The following DYNC1H1 variants were observed in gnomAD, a reference collection of about 807,000 sequenced individuals.
The protein encoded by DYNC1H1 is dynein cytoplasmic 1 heavy chain 1, also known as cytoplasmic dynein 1 heavy chain 1.
DYNC1H1 carries 51 observed loss-of-function variants against 527.1 expected under a neutral mutation model. The ratio of observed to expected loss-of-function variants is 0.10; its 90% confidence interval spans 0.08 to 0.12. The LOEUF (loss-of-function observed/expected upper bound fraction) is 0.12, where lower values mean the gene tolerates loss of function less well. DYNC1H1 is among the 10% of genes least tolerant of loss of function. DYNC1H1 has a pLI of 1.00. For synonymous variants in DYNC1H1, 2,189 were observed against 2,278.8 expected, an observed-to-expected ratio of 0.96 and a Z score of 1.12; for missense variants, 2,771 against 5,971.8, an observed-to-expected ratio of 0.46 and a Z score of 17.66.
rs1380571374 is a variant in DYNC1H1 at position 102,012,487 on chromosome 14, A to G, written c.7014+17A>G. On this transcript the variant is annotated intron_variant, in intron 34 of 77. Transcript: ENST00000360184. This position sits in a 1 kb window ranked among gnomAD's most constrained non-coding sequence, Gnocchi z 4.9. ...CCACCCAATGTAAGTAGCCTTTTGT[A>G]TGTCGTCAACTGAATAATTCCTTTT... 8 of 1,614,182 alleles carry G rather than the reference A, an allele frequency of 5.0e-6. No individual in the cohort carries two copies. The East Asian group carries it at 1.1e-4, about 22-fold the overall frequency.
rs767199732 is a variant in DYNC1H1, at chr14:102,004,872, T to C, written c.5160T>C (p.Ser1720=). The C allele has an allele frequency of 5.0e-6, 8 of 1,614,260 alleles. No homozygotes were observed. Among genetic ancestry groups the C allele is most frequent in the Non-Finnish European group, 6.8e-6 (8 of 1,180,048 alleles). Residue 1720 remains serine, a synonymous_variant, in exon 25 of 78, where the codon TCT becomes TCC. Coordinates refer to ENST00000360184, the MANE Select transcript of DYNC1H1 (RefSeq NM_001376.5). The part of the protein sequence containing the change: ...RVTLAKLLAE[S]VTEVEIFGKA... ...CCCTGGCCAAACTGCTTGCTGAGTCTGTTACGGAAGTTGAGATTTTTGGTA... is the reference window on the plus strand; with the variant it reads ...CCCTGGCCAAACTGCTTGCTGAGTCCGTTACGGAAGTTGAGATTTTTGGTA...
chr14:102,044,428 G>A lies in DYNC1H1; in HGVS notation c.12839G>A (p.Ser4280Asn). 6.2e-7 allele frequency: 1 copy of A among 1,614,230 alleles called. No homozygotes were observed. Among genetic ancestry groups the A allele is most frequent in the Non-Finnish European group, 8.5e-7 (1 of 1,180,044 alleles). Residue 4280 changes from serine (S) to asparagine (N), a missense_variant, in exon 71 of 78, where the codon AGT (serine) becomes AAT (asparagine). Physicochemically the swap from Ser to Asn is conservative, Grantham distance 46. Coordinates refer to ENST00000360184, the MANE Select transcript of DYNC1H1 (RefSeq NM_001376.5). The surrounding 1 kb of genome is among the most constrained non-coding windows in gnomAD (Gnocchi z 7.1). ...CTGTTCACAACCAGGAGTTTCGACA[G>A]TGAGTTTAAGCTGGCATGCAAGGTC... ...ERLFTTRSFD[S>N]EFKLACKVDG...
chr14:101,990,038 A>G (rs1232853771), intron 10 of DYNC1H1, among the ~76,000 whole-genome samples: 2 of 152,206 alleles, frequency 1.3e-5, no homozygotes, highest in Non-Finnish European at 1.5e-5. Flanking sequence ...CATGCCACAT[A>G]GCCTAGGTGG....
intron 16 of DYNC1H1, among the ~76,000 whole-genome samples, 190 bp from the exon 17 acceptor site, chr14:101,999,799 G>A (rs1414064253): frequency 1.3e-5 from 2 of 152,212 alleles, no homozygotes; most frequent in African/African-American, 4.8e-5. Context: ...AAATGTTCAT[G>A]TAAAAATTAA....
intron 69 of DYNC1H1, 87 bp from the exon 70 acceptor site, chr14:102,043,787 GT>G: frequency 6.3e-7 from 1 of 1,590,238 alleles, no homozygotes; most frequent in Non-Finnish European, 8.6e-7. Flanking sequence ...AGAGCTCTTT[GT>G]AAAGCTTTGA....
Position 101,983,639 on chromosome 14 carries a change from T to G in DYNC1H1, c.1461+30T>G, listed in dbSNP as rs772868853. 44 of 1,593,656 alleles carry G rather than the reference T, an allele frequency of 2.8e-5. 1 individual carries two copies. In the South Asian group the frequency reaches 4.6e-4, roughly 17 times the overall value. ...GATTTGCATTCTAAAAGTTTGTGTT[T>G]TGTTTTTGTTTTTGTTTTGTTTTTT... On this transcript the variant is annotated intron_variant, in intron 7 of 77. Transcript: ENST00000360184. This position sits in a 1 kb window ranked among gnomAD's most constrained non-coding sequence, Gnocchi z 5.3.
intron 1 of DYNC1H1, among the ~76,000 whole-genome samples, chr14:101,967,044 A>G (rs549140574): frequency 6.6e-6 from 1 of 152,318 alleles, no homozygotes; most frequent in East Asian, 1.9e-4. Context: ...AAGTATTTCT[A>G]CCAATTCAAC....
chr14:101,978,213 A>C (rs984759274), intron 2 of DYNC1H1, among the ~76,000 whole-genome samples: 1 of 152,204 alleles, frequency 6.6e-6, no homozygotes, highest in Non-Finnish European at 1.5e-5. Flanking sequence ...CACCATGCCC[A>C]GCTAATTCTT....
In DYNC1H1 at chr14:102,030,145, C is replaced by T. The variant is rs1261374230; in HGVS notation, c.9763-17C>T. 1.2e-6 allele frequency: 2 copies of T among 1,614,052 alleles called. No homozygotes were observed. The highest frequency in any genetic ancestry group is 1.1e-5 in the South Asian group (1 of 91,068). On this transcript the variant is annotated splice_polypyrimidine_tract_variant and intron_variant, in intron 50 of 77. Coordinates refer to ENST00000360184, the MANE Select transcript of DYNC1H1 (RefSeq NM_001376.5). The stretch of plus-strand genomic sequence containing the variant: ...AACCAATGCTTAACCCATACCTAAG[C>T]CATCCCTCCTTTCTAGGTTATGAGC...
chr14:102,041,542 A>G lies in DYNC1H1; in HGVS notation c.11942-32A>G, dbSNP rs1202799722. The G allele has an allele frequency of 2.5e-6, 4 of 1,612,896 alleles. No individual in the cohort carries two copies. The highest frequency in any genetic ancestry group is 3.4e-6 in the Non-Finnish European group (4 of 1,180,012). On this transcript the variant is annotated intron_variant, in intron 64 of 77. Coordinates refer to ENST00000360184, the MANE Select transcript of DYNC1H1 (RefSeq NM_001376.5). The surrounding 1 kb of genome is among the most constrained non-coding windows in gnomAD (Gnocchi z 4.5). ...AGGGCGTCTCTGAGTCCATGCTTCC[A>G]CCCAGCACCCACCCCTCTGTACCTG...
At chr14:102,028,484 C>T (rs1397050467) in intron 48 of DYNC1H1, 3 of 358,892 alleles carry the variant, frequency 8.4e-6, no homozygotes, top group East Asian at 1.4e-4. Context: ...CACTGCAATC[C>T]AGCCTGGGCA....
At chr14:102,043,641 G>C in intron 69 of DYNC1H1, 1 of 587,920 alleles carries the variant, frequency 1.7e-6, no homozygotes, top group Non-Finnish European at 3.0e-6. Flanking sequence ...TAGAAACTCT[G>C]TCTTCTCTAG....
Position 102,033,304 on chromosome 14 carries a change from C to G in DYNC1H1, c.10233C>G (p.Pro3411=). Residue 3411 remains proline (P), a synonymous_variant, in exon 54 of 78, where the codon CCC becomes CCG. Transcript: ENST00000360184. The surrounding 1 kb of genome is among the most constrained non-coding windows in gnomAD (Gnocchi z 5.6). Reference sequence around the variant, plus strand: ...CAGACATGTTAAAGAGAGTGGAGCCCCTACGCAATGAGCTGCAGAAGCTGG... The same window carrying G: ...CAGACATGTTAAAGAGAGTGGAGCCGCTACGCAATGAGCTGCAGAAGCTGG... The part of the protein sequence containing the change: ...NYADMLKRVE[P]LRNELQKLED... 6.2e-7 allele frequency: 1 copy of G among 1,614,158 alleles called. No individual in the cohort carries two copies. The highest frequency in any genetic ancestry group is 8.5e-7 in the Non-Finnish European group (1 of 1,180,054).
chr14:101,994,232 GCT>G lies in DYNC1H1; in HGVS notation c.3065_3066del (p.Ala1022ValfsTer6). On this transcript the variant is annotated frameshift_variant, in exon 12 of 78. Transcript: ENST00000360184. LOFTEE classifies it high-confidence loss of function. ...LTEEEKFYRN[A>X]LTRMPDGPVA... ...TGAGGAAGAGAAATTCTATCGGAATGCTTTAACACGGATGCCTGATGGCCCTG... is the reference window on the plus strand; with the variant it reads ...TGAGGAAGAGAAATTCTATCGGAATGTTAACACGGATGCCTGATGGCCCTG... The G allele has an allele frequency of 6.2e-7, 1 of 1,614,218 alleles. No individual in the cohort carries two copies. The highest frequency in any genetic ancestry group is 8.5e-7 in the Non-Finnish European group (1 of 1,180,032).
rs1454227788 is a variant in DYNC1H1 at position 102,001,390 on chromosome 14, G to A, written c.4395+36G>A. 3 of 1,613,602 alleles carry A rather than the reference G, an allele frequency of 1.9e-6. No homozygotes were observed. Among genetic ancestry groups the A allele is most frequent in the East Asian group, 4.5e-5 (2 of 44,870 alleles). On this transcript the variant is annotated intron_variant, in intron 20 of 77. Coordinates refer to ENST00000360184, the MANE Select transcript of DYNC1H1 (RefSeq NM_001376.5). This position sits in a 1 kb window ranked among gnomAD's most constrained non-coding sequence, Gnocchi z 5.0. ...GGACTGAACGGCTGCTTTACGTTGTGTTTCGGGCTGTTACATAGATCTGAG... is the reference window on the plus strand; with the variant it reads ...GGACTGAACGGCTGCTTTACGTTGTATTTCGGGCTGTTACATAGATCTGAG...
intron 1 of DYNC1H1, among the ~76,000 whole-genome samples, chr14:101,969,869 T>G (rs995724974): frequency 3.3e-5 from 5 of 152,240 alleles, no homozygotes; most frequent in African/African-American, 1.2e-4. Context: ...CATCGGAGCA[T>G]GTCAGATTGG....
rs549102230 is a variant in DYNC1H1, at chr14:102,036,193, C to A, written c.10755-296C>A. On this transcript the variant is annotated intron_variant, in intron 56 of 77. Transcript: ENST00000360184. The surrounding 1 kb of genome is among the most constrained non-coding windows in gnomAD (Gnocchi z 5.6). ...CGTAAACATGAAAAAGCTATTCTAA[C>A]AGTGCAGGATGCTGAGAGGATGATT... The A allele has an allele frequency of 1.1e-5, 4 of 380,312 alleles. No individual in the cohort carries two copies. In the East Asian group the frequency reaches 2.4e-4, roughly 23 times the overall value. The allele number at this position is 380,312 out of a possible 1,614,324, so 23.6% of individuals were successfully genotyped here. A position where few individuals can be genotyped will look rare whatever the true frequency, so the allele number is the denominator to read the frequency against.
intron 42 of DYNC1H1, among the ~76,000 whole-genome samples, chr14:102,022,407 G>C (rs1266906387): frequency 6.6e-6 from 1 of 151,760 alleles, no homozygotes; most frequent in Admixed American, 6.6e-5. Context: ...TCAGGAGGCT[G>C]AGGCAGGAGA....
At chr14:101,987,699 G>T in intron 9 of DYNC1H1, 67 bp downstream of exon 9, 1 of 1,573,704 alleles carries the variant, frequency 6.4e-7, no homozygotes, top group Non-Finnish European at 8.7e-7. Flanking sequence ...AAGCTTATTA[G>T]TTTGTCACTA....
Sources: gnomAD v4.1 joint callset for allele counts (sites outside exome capture counted in the v4.1 genomes callset) on GRCh38, gnomAD v4.1.1 for gene constraint, Gnocchi (gnomAD v3.1) non-coding constraint, MANE v1.5 for transcripts, NCBI Gene and HGNC (gene_info 2026-07-23, HGNC 2026-07-21) for gene names.